Variants in NLRP4 observed in about 807,000 individuals in gnomAD.
NLRP4 encodes the protein NACHT, LRR and PYD domains-containing protein 4.
In NLRP4, 44 loss-of-function variants were observed where a neutral mutation model predicts 84.7. That is an observed-to-expected ratio of 0.52 (90% CI 0.41 to 0.67). The LOEUF (loss-of-function observed/expected upper bound fraction) is 0.67. Among genes scored for constraint, NLRP4 ranks in the 30% least tolerant of loss-of-function variants. The probability of loss-of-function intolerance (pLI) is 0.00; values close to 1 mark genes in which losing one functional copy is unlikely to be tolerated. For missense variants in NLRP4, 1,260 were observed against 1,219.4 expected (o/e 1.03, Z -0.50); for synonymous variants, 544 against 476.4 (o/e 1.14, Z -1.85).
intron 9 of NLRP4, among the ~76,000 whole-genome samples, chr19:55,880,646 A>G (rs1007542031): frequency 6.6e-6 from 1 of 152,220 alleles, no homozygotes; most frequent in Non-Finnish European, 1.5e-5. Flanking sequence ...AGTGTGGGAC[A>G]GTTGCACGCA....
chr19:55,856,991 C>T (rs917569347), intron 2 of NLRP4, among the ~76,000 whole-genome samples: 4 of 152,144 alleles, frequency 2.6e-5, no homozygotes, highest in African/African-American at 9.7e-5. Flanking sequence ...CAGATCTAGT[C>T]CCTATATGTG....
At chr19:55,860,959 CA>C (rs1181256724) in intron 3 of NLRP4, among the ~76,000 whole-genome samples, 1 of 152,148 alleles carries the variant, frequency 6.6e-6, no homozygotes, top group African/African-American at 2.4e-5. Flanking sequence ...GCCTGGGCAA[CA>C]AGAGTGAAAC....
At position 55,851,368 on chromosome 19, in the gene NLRP4, T is replaced by C. The variant is rs1339727367; in HGVS notation, c.-65-648T>C. ...TAATGTCCGTGGCTGCGGTGTAATG[T>C]CCGAGGCTGCGGTGTAATGTCCGAG... On this transcript the variant is annotated intron_variant, in intron 1 of 9. Coordinates refer to ENST00000301295, the MANE Select transcript of NLRP4 (RefSeq NM_134444.5). 7.5e-4 allele frequency among the ~76,000 whole-genome samples: 61 copies of C among 81,092 alleles called. 1 individual carries two copies. The highest frequency in any genetic ancestry group is 1.0e-3 in the Non-Finnish European group (51 of 48,832). The allele number at this position is 81,092 out of a possible 152,430, so 53.2% of individuals were successfully genotyped here.
chr19:55,861,688 C>T, intron 4 of NLRP4, 141 bp downstream of exon 4: 1 of 758,886 alleles, frequency 1.3e-6, no homozygotes, highest in South Asian at 1.7e-5. Flanking sequence ...TTACAGACAT[C>T]TCATGCAGAT....
intron 7 of NLRP4, among the ~76,000 whole-genome samples, chr19:55,875,461 TAAA>T (rs913943449): frequency 6.6e-6 from 1 of 152,102 alleles, no homozygotes. Context: ...TACAGTAACA[TAAA>T]AAAGAAATTA....
chr19:55,838,336 A>G (rs1983468957), intron 1 of NLRP4, among the ~76,000 whole-genome samples: 1 of 151,550 alleles, frequency 6.6e-6, no homozygotes, highest in African/African-American at 2.4e-5. Flanking sequence ...AGAGACAAGC[A>G]GAATGGCATG....
intron 2 of NLRP4, chr19:55,857,309 T>G (rs12977263): frequency 0.31 from 92,032 of 300,540 alleles, 15,568 homozygotes; most frequent in East Asian, 0.58. Flanking sequence ...TGTCAAACTT[T>G]ACGTAGTAGC....
At chr19:55,851,258 C>G (rs565272201) in intron 1 of NLRP4, among the ~76,000 whole-genome samples, 1 of 30,552 alleles carries the variant, frequency 3.3e-5, no homozygotes, top group Non-Finnish European at 4.9e-5. Context: ...TACGAGGCTG[C>G]GGTGTAATTT....
chr19:55,858,067 G>A lies in NLRP4; in HGVS notation c.674G>A (p.Arg225Lys). The A allele has an allele frequency of 1.2e-6, 2 of 1,614,188 alleles. No individual in the cohort carries two copies. Among genetic ancestry groups the A allele is most frequent in the Non-Finnish European group, 1.7e-6 (2 of 1,180,036 alleles). ...ACAGAGATCGTGTCTCAACCGGAGA[G>A]ACTCTTGTTCGTCATCGACAGCTTC... Reference protein sequence around the residue: ...PITEIVSQPERLLFVIDSFEE... With the variant: ...PITEIVSQPEKLLFVIDSFEE... The change falls in exon 3 of 10, where the codon AGA becomes AAA. Residue 225 changes from arginine to lysine, a missense_variant. By Grantham distance (26) the Arg-to-Lys change is conservative. Coordinates refer to ENST00000301295, the MANE Select transcript of NLRP4 (RefSeq NM_134444.5). The surrounding 1 kb of genome is among the most constrained non-coding windows in gnomAD (Gnocchi z 4.2).
At chr19:55,869,557 G>A (rs1019068307) in intron 6 of NLRP4, among the ~76,000 whole-genome samples, 17 of 151,980 alleles carry the variant, frequency 1.1e-4, no homozygotes, top group Admixed American at 1.0e-3. Flanking sequence ...GTGGGAATGC[G>A]GCTCATTATT....
At chr19:55,838,810 C>T (rs1368075209) in intron 1 of NLRP4, among the ~76,000 whole-genome samples, 1 of 151,922 alleles carries the variant, frequency 6.6e-6, no homozygotes, top group East Asian at 1.9e-4. Context: ...TAAAAGTAAG[C>T]TCTTTTGATA....
intron 3 of NLRP4, among the ~76,000 whole-genome samples, chr19:55,859,466 G>A (rs1045723936): frequency 5.3e-5 from 8 of 152,140 alleles, no homozygotes; most frequent in African/African-American, 1.9e-4. Flanking sequence ...TTACAGAAGG[G>A]GGAATAATAA....
chr19:55,881,475 G>C lies in NLRP4; in HGVS notation c.2873G>C (p.Arg958Thr). The C allele has an allele frequency of 6.4e-7, 1 of 1,563,774 alleles. No individual in the cohort carries two copies. The highest frequency in any genetic ancestry group is 8.8e-7 in the Non-Finnish European group (1 of 1,135,962). The change falls in exon 10 of 10, where the codon AGA becomes ACA. Residue 958 changes from arginine to threonine, a missense_variant. Arg to Thr is a moderately conservative substitution (Grantham distance 71, BLOSUM62 -1). This residue lies in a region of NLRP4 where 544 missense variants were observed against 531.7 expected (regional missense o/e 1.02). Coordinates refer to ENST00000301295, the MANE Select transcript of NLRP4 (RefSeq NM_134444.5). ...PECALQVLGLRKTDFDEETQA... is the reference protein window; with the variant it reads ...PECALQVLGLTKTDFDEETQA... ...CTCTTAAAATATTTTACCAGGCTGAGAAAAACTGATTTTGATGAGGAAACC... is the reference window on the plus strand; with the variant it reads ...CTCTTAAAATATTTTACCAGGCTGACAAAAACTGATTTTGATGAGGAAACC...
intron 1 of NLRP4, among the ~76,000 whole-genome samples, chr19:55,837,487 C>A (rs1342670445): frequency 6.6e-6 from 1 of 152,088 alleles, no homozygotes; most frequent in Non-Finnish European, 1.5e-5. Flanking sequence ...TTTTCATCCC[C>A]CTTCTCCAAT....
intron 6 of NLRP4, among the ~76,000 whole-genome samples, chr19:55,869,271 G>A (rs1189167637): frequency 6.6e-6 from 1 of 152,042 alleles, no homozygotes; most frequent in Non-Finnish European, 1.5e-5. Context: ...AGCTGAGGCT[G>A]GAGAATCGCT....
chr19:55,840,389 C>CT (rs1983566602), intron 1 of NLRP4, among the ~76,000 whole-genome samples: 3 of 135,392 alleles, frequency 2.2e-5, no homozygotes, highest in Non-Finnish European at 4.7e-5. Context: ...TACATATTTT[C>CT]TTTTTTCTTT....
At chr19:55,869,669 C>G (rs1308055279) in intron 6 of NLRP4, among the ~76,000 whole-genome samples, 1 of 152,040 alleles carries the variant, frequency 6.6e-6, no homozygotes, top group Non-Finnish European at 1.5e-5. Context: ...CATAAAAATG[C>G]CAGGAAATCT....
At chr19:55,848,739 C>G (rs1983900231) in intron 1 of NLRP4, among the ~76,000 whole-genome samples, 1 of 152,168 alleles carries the variant, frequency 6.6e-6, no homozygotes, top group African/African-American at 2.4e-5. Flanking sequence ...TATGTACAAC[C>G]CACATGATAC....
chr19:55,847,070 G>A (rs1036597882), intron 1 of NLRP4, among the ~76,000 whole-genome samples: 3 of 151,970 alleles, frequency 2.0e-5, no homozygotes, highest in African/African-American at 4.8e-5. Context: ...GGCTATAGGC[G>A]CCTGGCTACT....
Sources: gnomAD v4.1 joint callset for allele counts (sites outside exome capture counted in the v4.1 genomes callset) on GRCh38, gnomAD v4.1.1 for gene constraint, gnomAD v4.1.1 regional missense constraint, Gnocchi (gnomAD v3.1) non-coding constraint, MANE v1.5 for transcripts, NCBI Gene and HGNC (gene_info 2026-07-23, HGNC 2026-07-21) for gene names.